Variants in RSRC1 observed in about 807,000 individuals in gnomAD.
RSRC1 encodes serine/Arginine-related protein 53.
Under a neutral mutation model 49.1 loss-of-function variants are expected in RSRC1, and 39 were observed. That is an observed-to-expected ratio of 0.79 (90% CI 0.61 to 1.04). RSRC1 has a LOEUF of 1.04. Ranked by LOEUF, RSRC1 falls within the 50% of genes least tolerant of loss-of-function variation. RSRC1 has a pLI of 0.00. For synonymous variants in RSRC1, 143 were observed against 130.8 expected (o/e 1.09, Z -0.63); for missense variants, 388 against 402.4 (o/e 0.96, Z 0.31).
intron 4 of RSRC1, among the ~76,000 whole-genome samples, chr3:158,287,786 A>G (rs1277417435): frequency 6.6e-6 from 1 of 152,224 alleles, no homozygotes; most frequent in East Asian, 1.9e-4. Context: ...AAAAACAAGG[A>G]CATATTGAAG....
intron 4 of RSRC1, among the ~76,000 whole-genome samples, chr3:158,277,555 T>A (rs914956400): frequency 1.3e-5 from 2 of 152,208 alleles, no homozygotes; most frequent in African/African-American, 2.4e-5. Context: ...AGAAAAATAC[T>A]GCTGGAAGTG....
chr3:158,413,274 C>T (rs972203016), intron 6 of RSRC1, among the ~76,000 whole-genome samples: 1 of 152,148 alleles, frequency 6.6e-6, no homozygotes, highest in African/African-American at 2.4e-5. Flanking sequence ...CCTGGGAAAA[C>T]TGGCTAGCCA....
chr3:158,231,498 G>A (rs1722954618), intron 4 of RSRC1, among the ~76,000 whole-genome samples: 2 of 152,006 alleles, frequency 1.3e-5, no homozygotes, highest in Admixed American at 6.6e-5. Flanking sequence ...CCCACATCCT[G>A]AATAAATGAC....
intron 4 of RSRC1, among the ~76,000 whole-genome samples, chr3:158,266,164 A>G (rs1276380214): frequency 1.3e-5 from 2 of 152,138 alleles, no homozygotes; most frequent in African/African-American, 4.8e-5. Flanking sequence ...TGTTCTTGGA[A>G]AAACACAGAA....
chr3:158,171,869 T>G (rs1401832642), intron 3 of RSRC1, among the ~76,000 whole-genome samples: 5 of 151,976 alleles, frequency 3.3e-5, no homozygotes, highest in African/African-American at 1.2e-4. Flanking sequence ...GAGGATGACA[T>G]GAATCCTGGA....
chr3:158,172,748 G>A (rs752080542), intron 3 of RSRC1, among the ~76,000 whole-genome samples: 4 of 152,006 alleles, frequency 2.6e-5, no homozygotes, highest in Admixed American at 1.3e-4. Flanking sequence ...TATTAGAAGC[G>A]GCTAGTAGTC....
chr3:158,144,604 T>G (rs1259768202), intron 3 of RSRC1, among the ~76,000 whole-genome samples: 4 of 152,220 alleles, frequency 2.6e-5, no homozygotes, highest in Non-Finnish European at 5.9e-5. Context: ...TACATGTGCA[T>G]GTGTCTTTAT....
intron 7 of RSRC1, among the ~76,000 whole-genome samples, chr3:158,469,108 T>C (rs1738015228): frequency 6.6e-6 from 1 of 152,144 alleles, no homozygotes; most frequent in South Asian, 2.1e-4. Context: ...CTGACAGGTA[T>C]CACCCAACAG....
chr3:158,394,133 A>C (rs1163202775), intron 6 of RSRC1, among the ~76,000 whole-genome samples: 1 of 152,070 alleles, frequency 6.6e-6, no homozygotes, highest in East Asian at 1.9e-4. Flanking sequence ...TCAACAAACT[A>C]GGCATTCACG....
chr3:158,447,205 T>C (rs1427087180), intron 6 of RSRC1, among the ~76,000 whole-genome samples: 1 of 151,974 alleles, frequency 6.6e-6, no homozygotes, highest in Non-Finnish European at 1.5e-5. Context: ...CTTTTTAGTA[T>C]AGAGGGTGTA....
At chr3:158,394,383 G>T (rs1733492663) in intron 6 of RSRC1, among the ~76,000 whole-genome samples, 1 of 152,068 alleles carries the variant, frequency 6.6e-6, no homozygotes. Context: ...CAGATGACAT[G>T]ATTCTGTACC....
At chr3:158,252,193 G>A (rs370409798) in intron 4 of RSRC1, among the ~76,000 whole-genome samples, 1 of 149,052 alleles carries the variant, frequency 6.7e-6, no homozygotes, top group Admixed American at 6.7e-5. Context: ...AAGGAGTCTC[G>A]CTCTGTTGCC....
chr3:158,325,980 T>C (rs1283068209), intron 5 of RSRC1, among the ~76,000 whole-genome samples: 3 of 152,206 alleles, frequency 2.0e-5, no homozygotes, highest in Non-Finnish European at 4.4e-5. Context: ...TATTTTATTC[T>C]CTTTGAAGCA....
intron 6 of RSRC1, among the ~76,000 whole-genome samples, chr3:158,447,900 C>T (rs369491097): frequency 1.3e-5 from 2 of 151,680 alleles, no homozygotes; most frequent in African/African-American, 4.8e-5. Context: ...TCTGGATTTT[C>T]GTTCTTATTT....
chr3:158,430,579 A>T (rs1735728288), intron 6 of RSRC1, among the ~76,000 whole-genome samples: 2 of 151,924 alleles, frequency 1.3e-5, no homozygotes, highest in South Asian at 2.1e-4. Context: ...GCGTATGTTT[A>T]ACAAGTATTT....
chr3:158,262,243 A>G (rs1724944833), intron 4 of RSRC1, among the ~76,000 whole-genome samples: 1 of 151,974 alleles, frequency 6.6e-6, no homozygotes, highest in South Asian at 2.1e-4. Context: ...TACTTCTACC[A>G]GTTTTATCAT....
At chr3:158,483,454 T>G (rs557400454) in intron 7 of RSRC1, among the ~76,000 whole-genome samples, 27 of 152,042 alleles carry the variant, frequency 1.8e-4, no homozygotes, top group Admixed American at 1.7e-3. Flanking sequence ...CTAATTTAGA[T>G]GTGATAACAT....
chr3:158,383,383 C>A (rs1732807538), intron 6 of RSRC1, among the ~76,000 whole-genome samples: 1 of 152,094 alleles, frequency 6.6e-6, no homozygotes. Context: ...TTCGAGAATA[C>A]TGGTATCTGC....
intron 8 of RSRC1, among the ~76,000 whole-genome samples, chr3:158,540,268 C>T (rs1343067738): frequency 6.6e-6 from 1 of 151,794 alleles, no homozygotes; most frequent in Non-Finnish European, 1.5e-5. Flanking sequence ...ATTGCTGACA[C>T]CAAAATATGA....
Sources: allele counts gnomAD v4.1 joint callset (sites outside exome capture counted in the v4.1 genomes callset), GRCh38; gene constraint gnomAD v4.1.1; transcripts MANE v1.5; gene names NCBI Gene and HGNC (gene_info 2026-07-23, HGNC 2026-07-21).